WDR24: variants seen among roughly 807,000 people sequenced by gnomAD.
WDR24 encodes GATOR2 complex protein WDR24.
Under a neutral mutation model 66.7 loss-of-function variants are expected in WDR24, and 32 were observed. The ratio of observed to expected loss-of-function variants is 0.48; its 90% confidence interval spans 0.36 to 0.64. The LOEUF (loss-of-function observed/expected upper bound fraction) is 0.64. Among genes scored for constraint, WDR24 ranks in the 30% least tolerant of loss-of-function variants. The pLI is 0.00. For synonymous variants in WDR24, 565 were observed against 469.1 expected (o/e 1.20, Z -2.64); for missense variants, 978 against 1,144.1 (o/e 0.85, Z 2.09).
Position 690,249 on chromosome 16 carries a change from G to A in WDR24, c.-609C>T, listed in dbSNP as rs1415782840. On this transcript the variant is annotated 5_prime_UTR_variant, in exon 1 of 9. Transcript: ENST00000293883. ...CAGGAGAGAAGCCGGCGACCCCGGAGTACAGGGTTCCTGGGAGCGGCGCAG... is the reference window on the plus strand; with the variant it reads ...CAGGAGAGAAGCCGGCGACCCCGGAATACAGGGTTCCTGGGAGCGGCGCAG... 7.2e-6 allele frequency: 3 copies of A among 414,068 alleles called. No homozygotes were observed. Among genetic ancestry groups the A allele is most frequent in the African/African-American group, 4.1e-5 (2 of 48,598 alleles). The allele number at this position is 414,068 out of a possible 1,614,324, so 25.6% of individuals were successfully genotyped here.
In WDR24 at chr16:689,272, T is replaced by C. The variant is rs1361073735; in HGVS notation, c.369A>G (p.Val123=). The C allele has an allele frequency of 1.2e-6, 2 of 1,614,006 alleles. No individual in the cohort carries two copies. The highest frequency in any genetic ancestry group is 1.7e-6 in the Non-Finnish European group (2 of 1,180,008). ...CGGTGGGGTGGAAGCAGACTTTGTT[T>C]ACCGTGCGCTTGTGTTCTGTGAACA... is the stretch of plus-strand genomic sequence containing the variant. ...DQLFTEHKRT[V]NKVCFHPTEA... Residue 123 remains valine, a synonymous_variant, in exon 1 of 9, where the codon GTA becomes GTG. Transcript: ENST00000293883.
In WDR24 at chr16:685,714, T is replaced by A. The variant is rs2039891190; in HGVS notation, c.1643A>T (p.Asp548Val). 6.2e-7 allele frequency: 1 copy of A among 1,613,174 alleles called. No individual in the cohort carries two copies. The highest frequency in any genetic ancestry group is 1.7e-5 in the Admixed American group (1 of 60,004). Reference protein sequence around the residue: ...YLLGDVEGEEDELYLLDPEHA... With the variant: ...YLLGDVEGEEVELYLLDPEHA... ...TTCCGGATCCAGCAGGTACAGCTCGTCCTCCTCACCTTCCACGTCACCCAG... is the reference window on the plus strand; with the variant it reads ...TTCCGGATCCAGCAGGTACAGCTCGACCTCCTCACCTTCCACGTCACCCAG... The change falls in exon 6 of 9, where the codon GAC becomes GTC. Residue 548 changes from aspartate (D) to valine (V), a missense_variant. Around this residue, in one of 2 missense-constraint regions of WDR24, gnomAD observed 676 missense variants for 617.5 expected, o/e 1.09. Coordinates refer to ENST00000293883, the MANE Select transcript of WDR24 (RefSeq NM_032259.4).
Position 689,316 on chromosome 16 carries a change from G to A in WDR24, c.325C>T (p.Arg109Cys), listed in dbSNP as rs775399142. 7.4e-6 allele frequency: 12 copies of A among 1,613,684 alleles called. No individual in the cohort carries two copies. In the African/African-American group the frequency reaches 8.0e-5, roughly 11 times the overall value. ...VVTWNLGRPS[R>C]NKQDQLFTEH... ...GTGAACAGCTGGTCCTGCTTGTTGC[G>A]GGATGGCCGGCCCAGGTTCCACGTG... is the stretch of plus-strand genomic sequence containing the variant. Residue 109 changes from arginine (R) to cysteine (C), a missense_variant, in exon 1 of 9, where the codon CGC (arginine) becomes TGC (cysteine). By Grantham distance (180) the Arg-to-Cys change is radical (BLOSUM62 -3). Around this residue, in one of 2 missense-constraint regions of WDR24, gnomAD observed 302 missense variants for 526.6 expected, o/e 0.57. Coordinates refer to ENST00000293883, the MANE Select transcript of WDR24 (RefSeq NM_032259.4).
chr16:685,881 T>C lies in WDR24; in HGVS notation c.1561A>G (p.Ile521Val), dbSNP rs1162654051. ...CACCCCAGCCTACCCTCATTGGTGA[T>C]GAGTGTGGCCGAGGAGTCGAGCAGA... is the stretch of plus-strand genomic sequence containing the variant. ...TVLLDSSATL[I>V]TNEDNEETEG... The change falls in exon 5 of 9, where the codon ATC (isoleucine) becomes GTC (valine). Residue 521 changes from isoleucine to valine, a missense_variant. Coordinates refer to ENST00000293883, the MANE Select transcript of WDR24 (RefSeq NM_032259.4). The C allele has an allele frequency of 1.1e-5, 18 of 1,612,900 alleles. No homozygotes were observed. Among genetic ancestry groups the C allele is most frequent in the South Asian group, 2.2e-5 (2 of 91,076 alleles).
rs907313038 is a variant in WDR24, at chr16:685,531, G to A, written c.1745C>T (p.Pro582Leu). ...FPLRHEIVDT[P>L]PGPEHLQDKA... ...GTCCTGCAGGTGCTCGGGCCCGGGA[G>A]GCGTGTCCACGATCTCGTGGCGCAG... Residue 582 changes from proline to leucine, a missense_variant, in exon 7 of 9, where the codon CCT (proline) becomes CTT (leucine). Pro to Leu is a moderately conservative substitution (Grantham distance 98). This residue lies in a region of WDR24 where 676 missense variants were observed against 617.5 expected (regional missense o/e 1.09). Coordinates refer to ENST00000293883, the MANE Select transcript of WDR24 (RefSeq NM_032259.4). 63 of 1,588,750 alleles carry A rather than the reference G, an allele frequency of 4.0e-5. No individual in the cohort carries two copies. Among genetic ancestry groups the A allele is most frequent in the Middle Eastern group, 1.7e-4 (1 of 5,988 alleles).
rs1210453070 is a variant in WDR24 at position 687,618 on chromosome 16, C to T, written c.603G>A (p.Arg201=). ...WDIRRPDRCE[R]MFTAHNGPVF... ...CGGGTCCGTTGTGGGCTGTGAACATCCTCTCGCACCGGTCGGGACGCCGGA... is the reference window on the plus strand; with the variant it reads ...CGGGTCCGTTGTGGGCTGTGAACATTCTCTCGCACCGGTCGGGACGCCGGA... The change falls in exon 2 of 9, where the codon AGG becomes AGA. Residue 201 remains arginine, a synonymous_variant. Transcript: ENST00000293883. 1 of 1,613,406 alleles carries T rather than the reference C, an allele frequency of 6.2e-7. No individual in the cohort carries two copies. The highest frequency in any genetic ancestry group is 1.3e-5 in the African/African-American group (1 of 74,948).
At position 685,783 on chromosome 16, in the gene WDR24, T is replaced by C. The variant is rs1286917959; in HGVS notation, c.1574A>G (p.Asp525Gly). The C allele has an allele frequency of 1.2e-6, 2 of 1,613,146 alleles. No homozygotes were observed. Among genetic ancestry groups the C allele is most frequent in the South Asian group, 2.2e-5 (2 of 91,094 alleles). The change falls in exon 6 of 9, where the codon GAT (aspartate) becomes GGT (glycine). Residue 525 changes from aspartate to glycine, a missense_variant and splice_region_variant. By Grantham distance (94) the Asp-to-Gly change is moderately conservative. Around this residue, in one of 2 missense-constraint regions of WDR24, gnomAD observed 676 missense variants for 617.5 expected, o/e 1.09. Transcript: ENST00000293883. ...GTCGCTGCCCTCGGTTTCCTCGTTA[T>C]CTGCCCGACAATGGGGCGGGCATTC... ...DSSATLITNE[D>G]NEETEGSDVP...
chr16:687,883 C>G, intron 1 of WDR24, 144 bp from the exon 2 acceptor site: 1 of 1,122,132 alleles, frequency 8.9e-7, no homozygotes, highest in Non-Finnish European at 1.3e-6. Flanking sequence ...CCAAGATCTG[C>G]CCAAGGAAGC....
intron 1 of WDR24, 53 bp downstream of exon 1, chr16:689,107 G>T: frequency 6.3e-7 from 1 of 1,596,702 alleles, no homozygotes; most frequent in Non-Finnish European, 8.5e-7. Context: ...GCATGGACAG[G>T]CTGGGCACCG....
Position 686,747 on chromosome 16 carries a change from G to C in WDR24, c.1329C>G (p.Asn443Lys), listed in dbSNP as rs1485732717. ...CCCAGGCTCAGCACCTACCTACCTG[G>C]TTGCGGCCAAGCTCTCGAGCCACCT... The part of the protein sequence containing the change: ...NAKVARELGR[N>K]QVAQTWTMLR... The change falls in exon 3 of 9, where the codon AAC becomes AAG. Residue 443 changes from asparagine (N) to lysine (K), a missense_variant. Physicochemically the swap from Asn to Lys is moderately conservative, Grantham distance 94 (BLOSUM62 0). Coordinates refer to ENST00000293883, the MANE Select transcript of WDR24 (RefSeq NM_032259.4). 2.5e-6 allele frequency: 4 copies of C among 1,593,368 alleles called. No homozygotes were observed. Among genetic ancestry groups the C allele is most frequent in the Non-Finnish European group, 3.4e-6 (4 of 1,166,676 alleles).
Position 689,467 on chromosome 16 carries a change from C to G in WDR24, c.174G>C (p.Gln58His). ...CACGCAGGTTCAGCTTTTCCACGAA[C>G]TGTTCCTCCTCGATGGCATAGATCT... ...IFKIYAIEEE[Q>H]FVEKLNLRVG... The change falls in exon 1 of 9, where the codon CAG (glutamine) becomes CAC (histidine). Residue 58 changes from glutamine to histidine, a missense_variant. Gln to His is a conservative substitution (Grantham distance 24). Coordinates refer to ENST00000293883, the MANE Select transcript of WDR24 (RefSeq NM_032259.4). 6.2e-7 allele frequency: 1 copy of G among 1,613,584 alleles called. No individual in the cohort carries two copies. Among genetic ancestry groups the G allele is most frequent in the Non-Finnish European group, 8.5e-7 (1 of 1,180,036 alleles).
In WDR24 at chr16:686,243, G is replaced by A. The variant is rs779803367; in HGVS notation, c.1333-57C>T. The A allele has an allele frequency of 1.4e-5, 22 of 1,567,476 alleles. No homozygotes were observed. In the Admixed American group the frequency reaches 1.9e-4, roughly 13 times the overall value. On this transcript the variant is annotated intron_variant, in intron 3 of 8. Coordinates refer to ENST00000293883, the MANE Select transcript of WDR24 (RefSeq NM_032259.4). ...CCTGGACACCCAGCACCCCATGCAG[G>A]TCCCTCTCTGCCTGGACAGTCACAA...
intron 1 of WDR24, chr16:688,916 C>G (rs965232429): frequency 5.5e-5 from 33 of 594,946 alleles, no homozygotes; most frequent in African/African-American, 5.4e-4. Context: ...CCTCCCTCAC[C>G]CCACACCTAG....
At position 685,992 on chromosome 16, in the gene WDR24, T is replaced by C. The variant is rs761130059; in HGVS notation, c.1452-2A>G. 1 of 1,612,988 alleles carries C rather than the reference T, an allele frequency of 6.2e-7. No individual in the cohort carries two copies. The highest frequency in any genetic ancestry group is 1.3e-5 in the African/African-American group (1 of 75,068). On this transcript the variant is annotated splice_acceptor_variant, in intron 4 of 8. Transcript: ENST00000293883. LOFTEE classifies it high-confidence loss of function. Reference sequence around the variant, plus strand: ...GGGGCCATATCCTTCAGGTTGAAACTGGGGGCAGGAAGGGCCCATGGGTGG... The same window carrying C: ...GGGGCCATATCCTTCAGGTTGAAACCGGGGGCAGGAAGGGCCCATGGGTGG...
chr16:686,801 T>G lies in WDR24; in HGVS notation c.1275A>C (p.Pro425=), dbSNP rs780722759. ...TAERYALAGR[P]LAELCDHNAK... The stretch of plus-strand genomic sequence containing the variant: ...CGTTGTGGTCACAGAGCTCGGCCAG[T>G]GGCCGGCCAGCCAGCGCATAACGCT... Residue 425 remains proline, a synonymous_variant, in exon 3 of 9, where the codon CCA becomes CCC. Transcript: ENST00000293883. 1 of 1,611,108 alleles carries G rather than the reference T, an allele frequency of 6.2e-7. No individual in the cohort carries two copies. The highest frequency in any genetic ancestry group is 1.1e-5 in the South Asian group (1 of 91,028).
intron 1 of WDR24, among the ~76,000 whole-genome samples, chr16:688,601 CT>C (rs1169838257): frequency 6.6e-6 from 1 of 152,236 alleles, no homozygotes; most frequent in African/African-American, 2.4e-5. Context: ...CAGGATCTGT[CT>C]TAAGTGGCCT....
intron 8 of WDR24, 37 bp from the exon 9 acceptor site, chr16:684,939 G>T (rs1039814748): frequency 2.0e-6 from 3 of 1,535,694 alleles, no homozygotes; most frequent in African/African-American, 1.4e-5. Context: ...CTCAGCGGGG[G>T]CTGCTGCGCT....
chr16:686,668 G>A, intron 3 of WDR24, 76 bp downstream of exon 3: 2 of 1,488,120 alleles, frequency 1.3e-6, no homozygotes, highest in Non-Finnish European at 1.8e-6. Flanking sequence ...GAGGTGGGGT[G>A]AGCGCAGCTG....
chr16:688,456 T>C (rs556816676), intron 1 of WDR24, among the ~76,000 whole-genome samples: 119 of 152,252 alleles, frequency 7.8e-4, no homozygotes, highest in African/African-American at 2.6e-3. Context: ...CCCAGCTAAT[T>C]TTTTGTTTTG....
Sources: gnomAD v4.1 joint callset for allele counts (sites outside exome capture counted in the v4.1 genomes callset) on GRCh38, gnomAD v4.1.1 for gene constraint, gnomAD v4.1.1 regional missense constraint, MANE v1.5 for transcripts, NCBI Gene and HGNC (gene_info 2026-07-23, HGNC 2026-07-21) for gene names.